The following ZNF398 variants were observed in gnomAD, a reference collection of about 807,000 sequenced individuals.
The protein encoded by ZNF398 is zinc finger DNA binding protein ZER6.
In ZNF398, 18 loss-of-function variants were observed where a neutral mutation model predicts 41.9. The ratio of observed to expected loss-of-function variants is 0.43; its 90% CI spans 0.30 to 0.64. The LOEUF is 0.64. Ranked by LOEUF, ZNF398 falls within the 30% of genes least tolerant of loss-of-function variation. ZNF398 has a pLI of 0.14. For synonymous variants in ZNF398, 260 were observed against 308.8 expected (o/e 0.84, Z 1.66); for missense variants, 669 against 822.8 (o/e 0.81, Z 2.29).
At chr7:149,157,078 C>T (rs527499150) in intron 2 of ZNF398, among the ~76,000 whole-genome samples, 1 of 152,050 alleles carries the variant, frequency 6.6e-6, no homozygotes, top group African/African-American at 2.4e-5. Context: ...CTCAGGCTTT[C>T]GGCTTGAAGA....
At position 149,179,603 on chromosome 7, in the gene ZNF398, C is replaced by T. The variant is rs1407584315; in HGVS notation, c.1731C>T (p.Arg577=). The change falls in exon 6 of 6, where the codon CGC becomes CGT. Residue 577 remains arginine (R), a synonymous_variant. Coordinates refer to ENST00000475153, the MANE Select transcript of ZNF398 (RefSeq NM_170686.3). This position sits in a 1 kb window ranked among gnomAD's most constrained non-coding sequence, Gnocchi z 6.1. Reference sequence around the variant, plus strand: ...GCTCCTACTGTGGCAGGAGCTTCCGCTACAAACAGACACTCAAGGACCACC... The same window carrying T: ...GCTCCTACTGTGGCAGGAGCTTCCGTTACAAACAGACACTCAAGGACCACC... The part of the protein sequence containing the change: ...YPCSYCGRSF[R]YKQTLKDHLR... 1 of 1,614,082 alleles carries T rather than the reference C, an allele frequency of 6.2e-7. No homozygotes were observed. Among genetic ancestry groups the T allele is most frequent in the Non-Finnish European group, 8.5e-7 (1 of 1,180,030 alleles).
At chr7:149,165,170 A>G (rs935680424) in intron 2 of ZNF398, among the ~76,000 whole-genome samples, 14 of 152,134 alleles carry the variant, frequency 9.2e-5, no homozygotes, top group Non-Finnish European at 1.5e-5. Context: ...ATAGTAAATC[A>G]GTAGTTTTCA....
intron 4 of ZNF398, among the ~76,000 whole-genome samples, chr7:149,171,588 T>A (rs1212469892): frequency 6.6e-6 from 1 of 152,004 alleles, no homozygotes; most frequent in Non-Finnish European, 1.5e-5. Flanking sequence ...GCCAGGCTGG[T>A]CTCAAATTCC....
chr7:149,157,875 G>A (rs1563160462), intron 2 of ZNF398, among the ~76,000 whole-genome samples: 1 of 149,538 alleles, frequency 6.7e-6, no homozygotes, highest in Admixed American at 6.7e-5. Flanking sequence ...GACCAAGTCC[G>A]GTGGTAGGAG....
At chr7:149,162,307 G>A (rs527700668) in intron 2 of ZNF398, among the ~76,000 whole-genome samples, 31 of 152,080 alleles carry the variant, frequency 2.0e-4, no homozygotes, top group African/African-American at 7.2e-4. Flanking sequence ...GCAGCCTCCC[G>A]AGTAGCTGGG....
At chr7:149,143,285 A>C (rs1182462253), upstream of ZNF398, among the ~76,000 whole-genome samples, 1 of 152,194 alleles carries the variant, frequency 6.6e-6, no homozygotes, top group Non-Finnish European at 1.5e-5. Flanking sequence ...TAATTTTGTA[A>C]TTTTCAGAGA....
intron 2 of ZNF398, among the ~76,000 whole-genome samples, chr7:149,158,697 G>C (rs775519545): frequency 6.6e-6 from 1 of 151,862 alleles, no homozygotes; most frequent in Non-Finnish European, 1.5e-5. Flanking sequence ...AGCTGGGCAT[G>C]GTGGCGCATT....
chr7:149,166,956 T>A, intron 4 of ZNF398, 26 bp downstream of exon 4: 1 of 1,528,474 alleles, frequency 6.5e-7, no homozygotes, highest in South Asian at 1.2e-5. Context: ...GATTCCTACT[T>A]CTTGTCTCCC....
intron 2 of ZNF398, among the ~76,000 whole-genome samples, chr7:149,135,296 A>G (rs1457891481): frequency 6.8e-6 from 1 of 148,050 alleles, no homozygotes; most frequent in Non-Finnish European, 1.5e-5. Context: ...AGGCTGAGGC[A>G]GGAGAATGGC....
At chr7:149,148,863 CTTT>C (rs59895177) in intron 1 of ZNF398, among the ~76,000 whole-genome samples, 10 of 63,284 alleles carry the variant, frequency 1.6e-4, no homozygotes, top group African/African-American at 4.1e-4. Context: ...TTTTCTTTGT[CTTT>C]TTTTTTTTTT....
At chr7:149,158,485 G>A (rs74640354) in intron 2 of ZNF398, among the ~76,000 whole-genome samples, 1,636 of 152,284 alleles carry the variant, frequency 0.011, 14 homozygotes, top group Admixed American at 0.018. Flanking sequence ...CTTCTCCATA[G>A]TACATTTTGT....
intron 2 of ZNF398, among the ~76,000 whole-genome samples, chr7:149,139,763 T>C (rs1403685515): frequency 3.4e-5 from 5 of 148,708 alleles, no homozygotes; most frequent in African/African-American, 5.0e-5. Context: ...CCCAGCACTT[T>C]GGGAGGCTGA....
intron 1 of ZNF398, chr7:149,148,520 A>T (rs1827019807): frequency 5.1e-6 from 5 of 982,666 alleles, no homozygotes; most frequent in Non-Finnish European, 6.0e-6. Flanking sequence ...GTACTGGGTC[A>T]GGAGCCACCC....
chr7:149,175,057 C>A (rs1490557533), intron 4 of ZNF398, among the ~76,000 whole-genome samples: 1 of 152,168 alleles, frequency 6.6e-6, no homozygotes, highest in Non-Finnish European at 1.5e-5. Flanking sequence ...GCAACTGTTG[C>A]ATATGCTAAA....
At chr7:149,146,557 CAATA>C (rs1450347595), upstream of ZNF398, among the ~76,000 whole-genome samples, 2 of 150,724 alleles carry the variant, frequency 1.3e-5, no homozygotes, top group Admixed American at 6.6e-5. Context: ...CTAAATAAAT[CAATA>C]AATAAGGCCG....
At chr7:149,151,443 TGTC>T (rs1827110206) in intron 1 of ZNF398, among the ~76,000 whole-genome samples, 2 of 152,186 alleles carry the variant, frequency 1.3e-5, no homozygotes, top group African/African-American at 2.4e-5. Context: ...GATGGGAGGT[TGTC>T]GTCAGAGAGT....
At chr7:149,166,081 AG>A in intron 2 of ZNF398, 76 bp from the exon 3 acceptor site, 1 of 1,467,590 alleles carries the variant, frequency 6.8e-7, no homozygotes, top group Non-Finnish European at 9.2e-7. Flanking sequence ...AAAAAATAAA[AG>A]GAACTAATTG....
intron 2 of ZNF398, among the ~76,000 whole-genome samples, chr7:149,155,707 A>ATATATAT (rs1794954712): frequency 2.7e-5 from 2 of 73,578 alleles, no homozygotes; most frequent in Admixed American, 1.7e-4. Context: ...ATATATATAT[A>ATATATAT]TTTTTTTTTT....
At chr7:149,155,683 T>TTA (rs757578727) in intron 2 of ZNF398, among the ~76,000 whole-genome samples, 102 of 110,840 alleles carry the variant, frequency 9.2e-4, no homozygotes, top group Admixed American at 1.5e-3. Flanking sequence ...TTATATTTGG[T>TTA]TATATATATA....
Sources: allele counts gnomAD v4.1 joint callset (sites outside exome capture counted in the v4.1 genomes callset), GRCh38; gene constraint gnomAD v4.1.1; non-coding constraint Gnocchi (gnomAD v3.1); transcripts MANE v1.5; gene names NCBI Gene and HGNC (gene_info 2026-07-23, HGNC 2026-07-21).